Variants in PTPN5 observed in about 807,000 individuals in gnomAD.
The protein encoded by PTPN5 is tyrosine-protein phosphatase non-receptor type 5.
A neutral mutation model predicts 73.9 loss-of-function variants in PTPN5; 29 were observed. The ratio of observed to expected loss-of-function variants is 0.39; its 90% CI spans 0.29 to 0.54. The LOEUF (loss-of-function observed/expected upper bound fraction) is 0.54. Among genes scored for constraint, PTPN5 ranks in the 20% least tolerant of loss-of-function variants. The probability of loss-of-function intolerance (pLI) is 0.65; values close to 1 mark genes in which losing one functional copy is unlikely to be tolerated. For synonymous variants in PTPN5, 267 were observed against 304.7 expected (o/e 0.88, Z 1.29); for missense variants, 652 against 751.4 (o/e 0.87, Z 1.55).
At chr11:18,746,195 A>ATATATATATATATAT (rs377606416) in intron 3 of PTPN5, among the ~76,000 whole-genome samples, 1 of 114,032 alleles carries the variant, frequency 8.8e-6, no homozygotes, top group African/African-American at 3.2e-5. Context: ...ATATATATAC[A>ATATATATATATATAT]TTTTTTTTTT....
Position 18,729,088 on chromosome 11 carries a change from C to A in PTPN5, c.1605-61G>T. 6.4e-7 allele frequency: 1 copy of A among 1,561,016 alleles called. No homozygotes were observed. The highest frequency in any genetic ancestry group is 1.1e-5 in the South Asian group (1 of 87,958). On this transcript the variant is annotated intron_variant, in intron 14 of 14. Transcript: ENST00000358540. This position sits in a 1 kb window ranked among gnomAD's most constrained non-coding sequence, Gnocchi z 5.2. ...TGGAGGGATGGGCTGTGGGAGGTGCCCCAAAAGCCATGGAGTAGCAATCAC... is the reference window on the plus strand; with the variant it reads ...TGGAGGGATGGGCTGTGGGAGGTGCACCAAAAGCCATGGAGTAGCAATCAC...
At chr11:18,766,052 A>C (rs1306793097) in intron 2 of PTPN5, among the ~76,000 whole-genome samples, 169 bp from the exon 3 acceptor site, 1 of 152,226 alleles carries the variant, frequency 6.6e-6, no homozygotes, top group African/African-American at 2.4e-5. Flanking sequence ...GTCAAGCTGC[A>C]GAGGCAGGAG....
chr11:18,746,482 G>T (rs1849647105), intron 3 of PTPN5, among the ~76,000 whole-genome samples: 2 of 151,992 alleles, frequency 1.3e-5, no homozygotes, highest in African/African-American at 2.4e-5. Context: ...GTGAGCCACT[G>T]CGCCCGGCAG....
chr11:18,765,192 C>T (rs1850586961), intron 3 of PTPN5, among the ~76,000 whole-genome samples: 1 of 152,000 alleles, frequency 6.6e-6, no homozygotes, highest in African/African-American at 2.4e-5. Context: ...GTAAAACTCT[C>T]CCCCCACCCC....
chr11:18,746,337 G>T (rs1373005849), intron 3 of PTPN5, among the ~76,000 whole-genome samples: 1 of 151,404 alleles, frequency 6.6e-6, no homozygotes, highest in Non-Finnish European at 1.5e-5. Context: ...TATCGCAGGT[G>T]TGTGCCACCA....
chr11:18,756,218 C>T (rs1161988753), intron 3 of PTPN5, among the ~76,000 whole-genome samples: 1 of 151,458 alleles, frequency 6.6e-6, no homozygotes, highest in African/African-American at 2.4e-5. Flanking sequence ...CCCCAGCTGA[C>T]ATCTGGCTTA....
At chr11:18,746,187 A>T (rs1849621925) in intron 3 of PTPN5, among the ~76,000 whole-genome samples, 2 of 118,096 alleles carry the variant, frequency 1.7e-5, no homozygotes, top group South Asian at 5.8e-4. Context: ...ATATATATAT[A>T]TATATACATT....
intron 9 of PTPN5, among the ~76,000 whole-genome samples, chr11:18,734,101 C>T (rs1849011316): frequency 2.0e-5 from 3 of 151,486 alleles, no homozygotes; most frequent in Admixed American, 2.0e-4. Context: ...AAGATGCCTA[C>T]TTGCTTGGGC....
intron 3 of PTPN5, among the ~76,000 whole-genome samples, chr11:18,757,815 C>T (rs1166071086): frequency 2.0e-5 from 3 of 152,192 alleles, no homozygotes; most frequent in South Asian, 2.1e-4. Flanking sequence ...AATGAATATT[C>T]GTCAGAGTGG....
intron 3 of PTPN5, among the ~76,000 whole-genome samples, chr11:18,747,552 A>T (rs1430095467): frequency 2.6e-5 from 4 of 152,236 alleles, no homozygotes; most frequent in Non-Finnish European, 5.9e-5. Flanking sequence ...TAAAGCTCTG[A>T]ATCACAAATT....
In PTPN5 at chr11:18,747,122, G is replaced by A. The variant is rs115251778; in HGVS notation, c.98-2923C>T. On this transcript the variant is annotated intron_variant, in intron 3 of 14. Coordinates refer to ENST00000358540, the MANE Select transcript of PTPN5 (RefSeq NM_006906.2). Reference sequence around the variant, plus strand: ...CAGAGGAGAGGGAACATGGGACTATGGGGAATAACATGATCTTGGACTTGG... The same window carrying A: ...CAGAGGAGAGGGAACATGGGACTATAGGGAATAACATGATCTTGGACTTGG... Among the ~76,000 whole-genome samples, 165 of 151,520 alleles carry A rather than the reference G, an allele frequency of 1.1e-3. 1 individual carries two copies. Among genetic ancestry groups the A allele is most frequent in the African/African-American group, 3.9e-3 (162 of 41,294 alleles).
Position 18,729,901 on chromosome 11 carries a change from A to G in PTPN5, c.1330-83T>C. ...CAGCCCAGAGATAGAGATGAGATGG[A>G]AGGAGGAAGAACACAGGAAGAACAC... On this transcript the variant is annotated intron_variant, in intron 12 of 14. Transcript: ENST00000358540. The surrounding 1 kb of genome is among the most constrained non-coding windows in gnomAD (Gnocchi z 5.2). 1 of 1,555,382 alleles carries G rather than the reference A, an allele frequency of 6.4e-7. No individual in the cohort carries two copies. Among genetic ancestry groups the G allele is most frequent in the South Asian group, 1.1e-5 (1 of 89,444 alleles).
In PTPN5 at chr11:18,742,916, G is replaced by T. The variant is rs1477220644; in HGVS notation, c.483+76C>A. ...CCCAGAATGTCCAGCCTATAAGTCAGATGGGAGCTGGTAGAAATCCAGGCC... is the reference window on the plus strand; with the variant it reads ...CCCAGAATGTCCAGCCTATAAGTCATATGGGAGCTGGTAGAAATCCAGGCC... On this transcript the variant is annotated intron_variant, in intron 6 of 14. Transcript: ENST00000358540. The surrounding 1 kb of genome is among the most constrained non-coding windows in gnomAD (Gnocchi z 4.1). 2 of 996,156 alleles carry T rather than the reference G, an allele frequency of 2.0e-6. No individual in the cohort carries two copies. Among genetic ancestry groups the T allele is most frequent in the Non-Finnish European group, 3.1e-6 (2 of 643,522 alleles). 61.7% of individuals were successfully genotyped at this position (996,156 alleles called of 1,614,324 possible).
intron 12 of PTPN5, among the ~76,000 whole-genome samples, chr11:18,731,283 A>G (rs1848865685): frequency 6.6e-6 from 1 of 151,222 alleles, no homozygotes; most frequent in African/African-American, 2.4e-5. Flanking sequence ...TTCATCCAAT[A>G]TAACATCATA....
intron 5 of PTPN5, 108 bp downstream of exon 5, chr11:18,743,213 TG>T: frequency 7.9e-7 from 1 of 1,258,738 alleles, no homozygotes; most frequent in South Asian, 1.2e-5. Flanking sequence ...TTCAGGGGCT[TG>T]GAAGTATCTT....
In PTPN5 at chr11:18,771,960, C is replaced by T. The variant is rs749080557; in HGVS notation, c.-2G>A. 1 of 1,575,680 alleles carries T rather than the reference C, an allele frequency of 6.3e-7. No homozygotes were observed. The highest frequency in any genetic ancestry group is 8.6e-7 in the Non-Finnish European group (1 of 1,166,746). ...TCACCTGGCTCCCTCATAATTCATT[C>T]CCAAGGTGTCTGGATGGGGAAGGGT... On this transcript the variant is annotated 5_prime_UTR_variant, in exon 2 of 15. Coordinates refer to ENST00000358540, the MANE Select transcript of PTPN5 (RefSeq NM_006906.2).
chr11:18,768,865 C>T (rs59684762), intron 2 of PTPN5, among the ~76,000 whole-genome samples: 7,962 of 152,230 alleles, frequency 0.052, 678 homozygotes, highest in African/African-American at 0.18. Context: ...CTGGGCGCTG[C>T]CTTCCTCCCT....
At chr11:18,786,301 C>G (rs1851666520) in intron 1 of PTPN5, among the ~76,000 whole-genome samples, 1 of 151,952 alleles carries the variant, frequency 6.6e-6, no homozygotes, top group African/African-American at 2.4e-5. Flanking sequence ...CTCCTGGGTT[C>G]ATGCCATTCT....
chr11:18,743,026 A>C lies in PTPN5; in HGVS notation c.449T>G (p.Phe150Cys), dbSNP rs1422822336. Residue 150 changes from phenylalanine (F) to cysteine (C), a missense_variant, in exon 6 of 15, where the codon TTT (phenylalanine) becomes TGT (cysteine). Phe to Cys is a radical substitution (Grantham distance 205). Coordinates refer to ENST00000358540, the MANE Select transcript of PTPN5 (RefSeq NM_006906.2). ...AACGAGGACCAGGCCCACGGACAGA[A>C]AGACCAGCAGCAGACTGGGGACTCC... ...TWGVPSLLLV[F>C]LSVGLVLVTT... is the part of the protein sequence containing the mutation. 5.2e-6 allele frequency: 8 copies of C among 1,551,934 alleles called. No individual in the cohort carries two copies. The East Asian group carries it at 1.7e-4, about 33-fold the overall frequency.
Sources: allele counts gnomAD v4.1 joint callset (sites outside exome capture counted in the v4.1 genomes callset), GRCh38; gene constraint gnomAD v4.1.1; non-coding constraint Gnocchi (gnomAD v3.1); transcripts MANE v1.5; gene names NCBI Gene and HGNC (gene_info 2026-07-23, HGNC 2026-07-21).